ST3GAL4: variants seen among roughly 807,000 people sequenced by gnomAD.
The protein encoded by ST3GAL4 is ST3 beta-galactoside alpha-2,3-sialyltransferase 4.
Under a neutral mutation model 42.6 loss-of-function variants are expected in ST3GAL4, and 24 were observed. That is an observed-to-expected ratio of 0.56 (90% CI 0.41 to 0.79). The LOEUF is 0.79. Ranked by LOEUF, ST3GAL4 falls within the 30% of genes least tolerant of loss-of-function variation. The pLI, the probability that ST3GAL4 is intolerant of heterozygous loss-of-function variation, is 0.00. For missense variants in ST3GAL4, 311 were observed against 430.8 expected, an observed-to-expected ratio of 0.72 and a Z score of 2.46; for synonymous variants, 135 against 163.2, an observed-to-expected ratio of 0.83 and a Z score of 1.32.
At position 126,397,301 on chromosome 11, in the gene ST3GAL4, A is replaced by G. The variant is rs1953822354; in HGVS notation, c.-60-8795A>G. On this transcript the variant is annotated intron_variant, in intron 1 of 10. Coordinates refer to ENST00000444328, the MANE Select transcript of ST3GAL4 (RefSeq NM_001254757.2). The surrounding 1 kb of genome is among the most constrained non-coding windows in gnomAD (Gnocchi z 5.0). ...AGGCAAGCTAGGAAAGCACAGAATGATATAACACAAAGTTACATTGTACCA... is the reference window on the plus strand; with the variant it reads ...AGGCAAGCTAGGAAAGCACAGAATGGTATAACACAAAGTTACATTGTACCA... 6.6e-6 allele frequency among the ~76,000 whole-genome samples: 1 copy of G among 152,148 alleles called. No homozygotes were observed. Among genetic ancestry groups the G allele is most frequent in the African/African-American group, 2.4e-5 (1 of 41,372 alleles).
rs111958228 is a variant in ST3GAL4, at chr11:126,391,936, C to CGTGTGTGTGTGTGT, written c.-60-14137_-60-14124dup. Among the ~76,000 whole-genome samples, 1 of 144,392 alleles carries CGTGTGTGTGTGTGT rather than the reference C, an allele frequency of 6.9e-6. No individual in the cohort carries two copies. Among genetic ancestry groups the CGTGTGTGTGTGTGT allele is most frequent in the Non-Finnish European group, 1.5e-5 (1 of 66,140 alleles). The allele number at this position is 144,392 out of a possible 152,430, so 94.7% of individuals were successfully genotyped here. A position where few individuals can be genotyped will look rare whatever the true frequency, so the allele number is the denominator to read the frequency against. ...CTCAGAACACCTGTGATAACTTGGT[C>CGTGTGTGTGTGTGT]GTGTGTGTGTGTGTGTGTGTGTGTG... On this transcript the variant is annotated intron_variant, in intron 1 of 10. Transcript: ENST00000444328. This position sits in a 1 kb window ranked among gnomAD's most constrained non-coding sequence, Gnocchi z 5.5.
Position 126,391,260 on chromosome 11 carries a change from G to GT in ST3GAL4, c.-60-14824dup, listed in dbSNP as rs60503203. Among the ~76,000 whole-genome samples, 205 of 143,206 alleles carry GT rather than the reference G, an allele frequency of 1.4e-3. No individual in the cohort carries two copies. Among genetic ancestry groups the GT allele is most frequent in the Middle Eastern group, 3.7e-3 (1 of 272 alleles). The allele number at this position is 143,206 out of a possible 152,430, so 93.9% of individuals were successfully genotyped here. ...CCCTTGCTTTTCCCTTTGCTTCCTT[G>GT]TTTTTTTTTTTTCTTTTTGTTTTAT... On this transcript the variant is annotated intron_variant, in intron 1 of 10. Transcript: ENST00000444328. The surrounding 1 kb of genome is among the most constrained non-coding windows in gnomAD (Gnocchi z 5.5).
intron 1 of ST3GAL4, among the ~76,000 whole-genome samples, chr11:126,369,192 G>A (rs903423051): frequency 5.3e-5 from 8 of 152,130 alleles, no homozygotes; most frequent in African/African-American, 1.4e-4. Context: ...TTGGAGGTAC[G>A]TTGTTTGCTC....
chr11:126,383,254 A>T lies in ST3GAL4; in HGVS notation c.-60-22842A>T, dbSNP rs1591446841. On this transcript the variant is annotated intron_variant, in intron 1 of 10. Transcript: ENST00000444328. This position sits in a 1 kb window ranked among gnomAD's most constrained non-coding sequence, Gnocchi z 4.5. The stretch of plus-strand genomic sequence containing the variant: ...CTGGGCAGAGGGCGAGGAGCCCAGG[A>T]TTCCCCTTTCCGTGACTTTGGAGGA... 6.6e-6 allele frequency among the ~76,000 whole-genome samples: 1 copy of T among 152,278 alleles called. No homozygotes were observed. Among genetic ancestry groups the T allele is most frequent in the Admixed American group, 6.5e-5 (1 of 15,306 alleles).
Position 126,363,116 on chromosome 11 carries a change from C to T in ST3GAL4, c.-61+7274C>T, listed in dbSNP as rs888008382. Among the ~76,000 whole-genome samples, 1 of 152,138 alleles carries T rather than the reference C, an allele frequency of 6.6e-6. No individual in the cohort carries two copies. Among genetic ancestry groups the T allele is most frequent in the East Asian group, 1.9e-4 (1 of 5,188 alleles). ...GGGCTGGACTGAATGAGGGGCTGGC[C>T]GAGGAGCGGGTGTTGATGGAGTATG... On this transcript the variant is annotated intron_variant, in intron 1 of 10. Transcript: ENST00000444328. This position sits in a 1 kb window ranked among gnomAD's most constrained non-coding sequence, Gnocchi z 4.6.
At position 126,409,419 on chromosome 11, in the gene ST3GAL4, T is replaced by A. The variant is rs775974208; in HGVS notation, c.771+8T>A. 3 of 1,614,104 alleles carry A rather than the reference T, an allele frequency of 1.9e-6. No homozygotes were observed. The South Asian group carries it at 3.3e-5, about 18-fold the overall frequency. On this transcript the variant is annotated splice_region_variant and intron_variant, in intron 9 of 10. Transcript: ENST00000444328. This position sits in a 1 kb window ranked among gnomAD's most constrained non-coding sequence, Gnocchi z 4.9. Reference sequence around the variant, plus strand: ...CCACGGAAGATTAAGCAGGTGATGATGGGAAGTCAGGCCTGAGGGCTAGGA... The same window carrying A: ...CCACGGAAGATTAAGCAGGTGATGAAGGGAAGTCAGGCCTGAGGGCTAGGA...
intron 1 of ST3GAL4, among the ~76,000 whole-genome samples, chr11:126,388,767 C>CTTTTTTTTT (rs10683946): frequency 7.7e-5 from 4 of 52,042 alleles, no homozygotes; most frequent in East Asian, 5.9e-4. Flanking sequence ...TTTTCAGTGT[C>CTTTTTTTTT]TTTTTTTTTT....
intron 1 of ST3GAL4, among the ~76,000 whole-genome samples, chr11:126,399,527 G>A (rs1446147671): frequency 6.6e-6 from 1 of 151,592 alleles, no homozygotes; most frequent in Non-Finnish European, 1.5e-5. Flanking sequence ...GGCTGGTCTC[G>A]AACTCCTGAC....
intron 1 of ST3GAL4, among the ~76,000 whole-genome samples, chr11:126,371,965 A>G (rs1435256550): frequency 6.6e-6 from 1 of 151,188 alleles, no homozygotes; most frequent in Non-Finnish European, 1.5e-5. Context: ...TTTTCTGTCT[A>G]TTAGGTGTTT....
chr11:126,386,165 ATCCCCC>A lies in ST3GAL4; in HGVS notation c.-60-19930_-60-19925del, dbSNP rs563524571. Among the ~76,000 whole-genome samples, 390 of 152,136 alleles carry A rather than the reference ATCCCCC, an allele frequency of 2.6e-3. 1 individual carries two copies. Among genetic ancestry groups the A allele is most frequent in the Non-Finnish European group, 4.7e-3 (320 of 67,988 alleles). ...GCCGGCTCCTCAGAGACATGGTTCTATCCCCCCAGTGGCCAAGGGCTGGTGGCCCTC... is the reference window on the plus strand; with the variant it reads ...GCCGGCTCCTCAGAGACATGGTTCTACAGTGGCCAAGGGCTGGTGGCCCTC... On this transcript the variant is annotated intron_variant, in intron 1 of 10. Coordinates refer to ENST00000444328, the MANE Select transcript of ST3GAL4 (RefSeq NM_001254757.2). This position sits in a 1 kb window ranked among gnomAD's most constrained non-coding sequence, Gnocchi z 4.7.
chr11:126,397,519 A>G lies in ST3GAL4; in HGVS notation c.-60-8577A>G, dbSNP rs1378026834. Among the ~76,000 whole-genome samples, 3 of 151,100 alleles carry G rather than the reference A, an allele frequency of 2.0e-5. No individual in the cohort carries two copies. The highest frequency in any genetic ancestry group is 7.4e-5 in the African/African-American group (3 of 40,518). On this transcript the variant is annotated intron_variant, in intron 1 of 10. Transcript: ENST00000444328. This position sits in a 1 kb window ranked among gnomAD's most constrained non-coding sequence, Gnocchi z 5.0. ...CAAAACATCAGTCATTTGGAAGTAT[A>G]AGTCAAGCCTTCGTAGGAGAGGAAC... is the stretch of plus-strand genomic sequence containing the variant.
chr11:126,414,128 G>A lies in ST3GAL4; in HGVS notation c.*81G>A. 3.5e-6 allele frequency: 5 copies of A among 1,441,404 alleles called. No individual in the cohort carries two copies. The allele number at this position is 1,441,404 out of a possible 1,614,324, so 89.3% of individuals were successfully genotyped here. ...ATGCGTGGCTGTGGGGGTGGCTGGT[G>A]CCAGTATGACCCACTTGGACTCACC... On this transcript the variant is annotated 3_prime_UTR_variant, in exon 11 of 11. Transcript: ENST00000444328.
At chr11:126,371,262 C>T (rs1424496284) in intron 1 of ST3GAL4, among the ~76,000 whole-genome samples, 1 of 145,574 alleles carries the variant, frequency 6.9e-6, no homozygotes, top group African/African-American at 2.5e-5. Flanking sequence ...CCTCCCAGAT[C>T]CAAGTGATTT....
Position 126,414,052 on chromosome 11 carries a change from G to T in ST3GAL4, c.*5G>T, listed in dbSNP as rs1177472427. On this transcript the variant is annotated 3_prime_UTR_variant, in exon 11 of 11. Transcript: ENST00000444328. ...AAGAACCTCACGTCCTTCTGACCTG[G>T]GCAAGAGCTGTAGCCTGTCGGTTGC... 6.2e-7 allele frequency: 1 copy of T among 1,614,100 alleles called. No individual in the cohort carries two copies. The highest frequency in any genetic ancestry group is 2.2e-5 in the East Asian group (1 of 44,884).
intron 1 of ST3GAL4, among the ~76,000 whole-genome samples, chr11:126,367,207 G>C (rs1490247493): frequency 6.6e-6 from 1 of 152,122 alleles, no homozygotes; most frequent in African/African-American, 2.4e-5. Flanking sequence ...GCTACACCCA[G>C]ACAGACAGAT....
At chr11:126,368,621 G>A (rs933782761) in intron 1 of ST3GAL4, among the ~76,000 whole-genome samples, 15 of 152,220 alleles carry the variant, frequency 9.9e-5, no homozygotes, top group African/African-American at 3.6e-4. Flanking sequence ...GCCGGAATTA[G>A]GAAGTGGGTA....
intron 1 of ST3GAL4, among the ~76,000 whole-genome samples, chr11:126,356,949 A>T (rs965828915): frequency 1.3e-5 from 2 of 152,182 alleles, no homozygotes; most frequent in Admixed American, 1.3e-4. Flanking sequence ...GGCATCTGCC[A>T]GGGGGATTTT....
At position 126,400,068 on chromosome 11, in the gene ST3GAL4, C is replaced by T. The variant is rs1014907073; in HGVS notation, c.-60-6028C>T. Among the ~76,000 whole-genome samples the T allele has an allele frequency of 9.2e-5, 14 of 152,120 alleles. No homozygotes were observed. The highest frequency in any genetic ancestry group is 3.4e-4 in the African/African-American group (14 of 41,416). On this transcript the variant is annotated intron_variant, in intron 1 of 10. Coordinates refer to ENST00000444328, the MANE Select transcript of ST3GAL4 (RefSeq NM_001254757.2). This position sits in a 1 kb window ranked among gnomAD's most constrained non-coding sequence, Gnocchi z 4.6. Reference sequence around the variant, plus strand: ...TTTCCCTCCCCTCCCCTGCTTTCCTCTCCCCTCTCCACTTCTTGGCACCAA... The same window carrying T: ...TTTCCCTCCCCTCCCCTGCTTTCCTTTCCCCTCTCCACTTCTTGGCACCAA...
At chr11:126,367,046 G>A (rs549012299) in intron 1 of ST3GAL4, among the ~76,000 whole-genome samples, 1 of 152,206 alleles carries the variant, frequency 6.6e-6, no homozygotes, top group Non-Finnish European at 1.5e-5. Context: ...GGTGTGGGGG[G>A]CCTGCCTGTA....
Sources: allele counts gnomAD v4.1 joint callset (sites outside exome capture counted in the v4.1 genomes callset), GRCh38; gene constraint gnomAD v4.1.1; non-coding constraint Gnocchi (gnomAD v3.1); transcripts MANE v1.5; gene names NCBI Gene and HGNC (gene_info 2026-07-23, HGNC 2026-07-21).